Variants in ACSBG1 observed in about 807,000 individuals in gnomAD.
ACSBG1 encodes long-chain-fatty-acid--CoA ligase ACSBG1.
ACSBG1 carries 39 observed loss-of-function variants against 80.2 expected under a neutral mutation model. The observed-to-expected ratio is 0.49, with a 90% CI of 0.38 to 0.64. ACSBG1 has a LOEUF of 0.64. Among genes scored for constraint, ACSBG1 ranks in the 30% least tolerant of loss-of-function variants. The pLI is 0.00. For synonymous variants in ACSBG1, 392 were observed against 379.5 expected (o/e 1.03, Z -0.38); for missense variants, 828 against 966.4 (o/e 0.86, Z 1.90).
chr15:78,213,321 A>C (rs2075282546), intron 1 of ACSBG1: 1 of 152,260 alleles, frequency 6.6e-6, no homozygotes, highest in South Asian at 2.1e-4. Flanking sequence ...CTCACTTCAA[A>C]GATTGGGCCT....
chr15:78,193,852 T>A, intron 4 of ACSBG1, 80 bp downstream of exon 4: 2 of 1,537,660 alleles, frequency 1.3e-6, no homozygotes. Context: ...TGGGGGCTGC[T>A]AAAAAGAGAT....
intron 1 of ACSBG1, among the ~76,000 whole-genome samples, chr15:78,230,775 T>C (rs1441830706): frequency 6.6e-6 from 1 of 152,212 alleles, no homozygotes; most frequent in Non-Finnish European, 1.5e-5. Context: ...TCTGCCATGA[T>C]TGTAAGGCCA....
intron 1 of ACSBG1, among the ~76,000 whole-genome samples, chr15:78,223,968 A>G (rs1595905446): frequency 6.6e-6 from 1 of 152,208 alleles, no homozygotes; most frequent in Admixed American, 6.5e-5. Context: ...TGGAAGAGGC[A>G]GGGAACAGAT....
At position 78,182,709 on chromosome 15, in the gene ACSBG1, T is replaced by C. The variant is rs767355405; in HGVS notation, c.740A>G (p.Tyr247Cys). ...EPPPNKMANV[Y>C]TMEEFMELGN... ...CCAGGGCCCCACTGCCCATACCGTG[T>C]ACACATTGGCCATCTTGTTTGGAGG... Residue 247 changes from tyrosine (Y) to cysteine (C), a missense_variant, in exon 6 of 14, where the codon TAC becomes TGC. Physicochemically the swap from Tyr to Cys is radical, Grantham distance 194. Around this residue, in one of 3 missense-constraint regions of ACSBG1, gnomAD observed 356 missense variants for 363.5 expected, o/e 0.98. Coordinates refer to ENST00000258873, the MANE Select transcript of ACSBG1 (RefSeq NM_015162.5). 1.2e-6 allele frequency: 2 copies of C among 1,614,266 alleles called. No homozygotes were observed. Among genetic ancestry groups the C allele is most frequent in the Non-Finnish European group, 1.7e-6 (2 of 1,180,054 alleles).
Position 78,168,983 on chromosome 15 carries a change from G to A in ACSBG1, c.*2461C>T, listed in dbSNP as rs769406487. 20 of 1,599,266 alleles carry A rather than the reference G, an allele frequency of 1.3e-5. No individual in the cohort carries two copies. Among genetic ancestry groups the A allele is most frequent in the Admixed American group, 6.7e-5 (4 of 59,824 alleles). ...TCAGACTTCACAGAGGAAATCTGTC[G>A]CCGAGTAAAAGATTTAGATTAACAC... On this transcript the variant is annotated 3_prime_UTR_variant, in exon 14 of 14. Coordinates refer to ENST00000258873, the MANE Select transcript of ACSBG1 (RefSeq NM_015162.5).
At chr15:78,213,712 G>A (rs1189051332) in intron 1 of ACSBG1, 1 of 152,258 alleles carries the variant, frequency 6.6e-6, no homozygotes. Context: ...CAGTTTTTTG[G>A]CCGTCATCCT....
At chr15:78,194,768 G>A (rs773548156) in intron 2 of ACSBG1, 42 bp from the exon 3 acceptor site, 1 of 1,587,890 alleles carries the variant, frequency 6.3e-7, no homozygotes, top group Non-Finnish European at 8.6e-7. Context: ...ATGCCAGCCT[G>A]GGGACACTTG....
chr15:78,194,450 G>C, intron 3 of ACSBG1, 56 bp downstream of exon 3: 1 of 1,563,982 alleles, frequency 6.4e-7, no homozygotes, highest in South Asian at 1.1e-5. Flanking sequence ...GTGAGGCCCA[G>C]AGCTGGGAGG....
intron 1 of ACSBG1, among the ~76,000 whole-genome samples, chr15:78,209,430 A>G (rs879272463): frequency 1.8e-4 from 28 of 152,176 alleles, no homozygotes; most frequent in Non-Finnish European, 3.2e-4. Context: ...GAGGTTGTGG[A>G]AAAACTGAAG....
Position 78,182,615 on chromosome 15 carries a change from T to A in ACSBG1, c.745A>T (p.Met249Leu). The A allele has an allele frequency of 1.2e-6, 2 of 1,613,998 alleles. No individual in the cohort carries two copies. The highest frequency in any genetic ancestry group is 2.2e-5 in the East Asian group (1 of 44,876). Residue 249 changes from methionine to leucine, a missense_variant and splice_region_variant, in exon 7 of 14, where the codon ATG becomes TTG. By Grantham distance (15) the Met-to-Leu change is conservative. Coordinates refer to ENST00000258873, the MANE Select transcript of ACSBG1 (RefSeq NM_015162.5). ...PPNKMANVYT[M>L]EEFMELGNEV... Reference sequence around the variant, plus strand: ...TTCCCCAGCTCCATGAATTCCTCCATCTGTAGCCAGATGCAGGGAGCAGGC... The same window carrying A: ...TTCCCCAGCTCCATGAATTCCTCCAACTGTAGCCAGATGCAGGGAGCAGGC...
Position 78,178,765 on chromosome 15 carries a change from C to A in ACSBG1, c.1551G>T (p.Glu517Asp), listed in dbSNP as rs1287206886. 1 of 1,614,120 alleles carries A rather than the reference C, an allele frequency of 6.2e-7. No homozygotes were observed. The highest frequency in any genetic ancestry group is 8.5e-7 in the Non-Finnish European group (1 of 1,180,046). Residue 517 changes from glutamate (E) to aspartate (D), a missense_variant, in exon 11 of 14, where the codon GAG becomes GAT. Around this residue, in one of 3 missense-constraint regions of ACSBG1, gnomAD observed 271 missense variants for 375.9 expected, o/e 0.72. Coordinates refer to ENST00000258873, the MANE Select transcript of ACSBG1 (RefSeq NM_015162.5). This position sits in a 1 kb window ranked among gnomAD's most constrained non-coding sequence, Gnocchi z 4.3. ...LVNQDAEGIG[E>D]ICLWGRTIFM... Reference sequence around the variant, plus strand: ...ATATGGTGCGGCCCCACAGGCAGATCTCGCCAATGCCCTCTGCGTCCTGGT... The same window carrying A: ...ATATGGTGCGGCCCCACAGGCAGATATCGCCAATGCCCTCTGCGTCCTGGT...
intron 5 of ACSBG1, among the ~76,000 whole-genome samples, chr15:78,187,588 A>T (rs2075016959): frequency 6.6e-6 from 1 of 152,212 alleles, no homozygotes; most frequent in South Asian, 2.1e-4. Context: ...TGATTATCTC[A>T]ATAGATGCAG....
intron 2 of ACSBG1, among the ~76,000 whole-genome samples, chr15:78,204,124 G>C (rs2075192511): frequency 6.6e-6 from 1 of 152,218 alleles, no homozygotes; most frequent in African/African-American, 2.4e-5. Context: ...CTTCTCAATG[G>C]GGACTGAAGA....
At chr15:78,201,469 G>A (rs933822511) in intron 2 of ACSBG1, among the ~76,000 whole-genome samples, 1 of 152,212 alleles carries the variant, frequency 6.6e-6, no homozygotes, top group African/African-American at 2.4e-5. Context: ...TTCCCATCTT[G>A]CACCCCTGAG....
chr15:78,196,361 G>C (rs533221182), intron 2 of ACSBG1, among the ~76,000 whole-genome samples: 5 of 152,206 alleles, frequency 3.3e-5, no homozygotes, highest in Non-Finnish European at 7.3e-5. Flanking sequence ...GCCCAGACCA[G>C]AAAGTCAGGT....
intron 2 of ACSBG1, among the ~76,000 whole-genome samples, chr15:78,198,093 G>A (rs1302849755): frequency 6.6e-6 from 1 of 152,150 alleles, no homozygotes; most frequent in African/African-American, 2.4e-5. Context: ...CTGGAGTGCA[G>A]TGGTGCGATC....
chr15:78,186,041 A>G (rs1298442253), intron 5 of ACSBG1, among the ~76,000 whole-genome samples: 1 of 152,152 alleles, frequency 6.6e-6, no homozygotes, highest in Non-Finnish European at 1.5e-5. Flanking sequence ...TTTGTAGGTC[A>G]CTCAGGACTT....
intron 1 of ACSBG1, chr15:78,209,205 T>C (rs1207154564): frequency 2.2e-6 from 1 of 456,084 alleles, no homozygotes; most frequent in Admixed American, 2.3e-5. Context: ...AAAACTAAGT[T>C]TGTGAACACA....
intron 1 of ACSBG1, among the ~76,000 whole-genome samples, chr15:78,219,989 A>AACAG (rs2075348115): frequency 6.6e-6 from 1 of 152,132 alleles, no homozygotes; most frequent in Admixed American, 6.5e-5. Context: ...CGTCTCAAAA[A>AACAG]ACAAACAAAC....
Sources: allele counts gnomAD v4.1 joint callset (sites outside exome capture counted in the v4.1 genomes callset), GRCh38; gene constraint gnomAD v4.1.1; regional missense constraint gnomAD v4.1.1; non-coding constraint Gnocchi (gnomAD v3.1); transcripts MANE v1.5; gene names NCBI Gene and HGNC (gene_info 2026-07-23, HGNC 2026-07-21).